The following SNED1 variants were observed in gnomAD, a reference collection of about 807,000 sequenced individuals.
SNED1 encodes the protein sushi, nidogen and EGF like domains 1, also known as sushi, nidogen and EGF-like domain-containing protein 1.
In SNED1, 81 loss-of-function variants were observed where a neutral mutation model predicts 166.7. The ratio of observed to expected loss-of-function variants is 0.49; its 90% CI spans 0.41 to 0.58. The LOEUF (loss-of-function observed/expected upper bound fraction) is 0.58. Ranked by LOEUF, SNED1 falls within the 20% of genes least tolerant of loss-of-function variation. The pLI, the probability that SNED1 is intolerant of heterozygous loss-of-function variation, is 0.00. For missense variants in SNED1, 1,604 were observed against 2,000.2 expected (o/e 0.80, Z 3.78); for synonymous variants, 762 against 822.0 (o/e 0.93, Z 1.25).
At chr2:241,037,623 C>T (rs1399496633) in intron 6 of SNED1, among the ~76,000 whole-genome samples, 6 of 152,206 alleles carry the variant, frequency 3.9e-5, no homozygotes, top group African/African-American at 1.4e-4. Flanking sequence ...AGGCCAGTGC[C>T]CAGGTCCCAA....
chr2:241,061,672 G>C (rs1270374239), intron 16 of SNED1, among the ~76,000 whole-genome samples: 1 of 152,080 alleles, frequency 6.6e-6, no homozygotes, highest in Non-Finnish European at 1.5e-5. Context: ...GGATCACGAA[G>C]TCAGGAGTTC....
intron 17 of SNED1, 142 bp downstream of exon 17, chr2:241,063,046 C>A (rs896190453): frequency 3.3e-6 from 2 of 606,028 alleles, no homozygotes; most frequent in East Asian, 2.8e-5. Flanking sequence ...CCAGCTCTGA[C>A]ATCCAAGACA....
At chr2:241,047,904 T>G (rs1046510533) in intron 8 of SNED1, among the ~76,000 whole-genome samples, 2 of 151,792 alleles carry the variant, frequency 1.3e-5, no homozygotes, top group African/African-American at 4.8e-5. Flanking sequence ...GGGTGGTCTC[T>G]CCGGTGCTTC....
At chr2:241,008,051 C>T (rs980331883) in intron 1 of SNED1, among the ~76,000 whole-genome samples, 4 of 152,266 alleles carry the variant, frequency 2.6e-5, no homozygotes, top group African/African-American at 9.6e-5. Context: ...TGGGTGAAGG[C>T]GGCCGTACCA....
In SNED1 at chr2:241,073,348, C is replaced by A; in HGVS notation, c.3900C>A (p.Gly1300=). 1 of 1,571,752 alleles carries A rather than the reference C, an allele frequency of 6.4e-7. No homozygotes were observed. Residue 1300 remains glycine, a synonymous_variant, in exon 27 of 32, where the codon GGC becomes GGA. Transcript: ENST00000310397. This position sits in a 1 kb window ranked among gnomAD's most constrained non-coding sequence, Gnocchi z 6.6. ...VSLALQLPEH[G]SKDIGNVPGN... ...TGGCCCTCCAGCTCCCTGAACACGG[C>A]AGCAAGGACATCGGAAGTGAGTCAG...
In SNED1 at chr2:241,070,041, C is replaced by G; in HGVS notation, c.3429C>G (p.Ser1143Arg). The G allele has an allele frequency of 1.2e-6, 2 of 1,613,048 alleles. No homozygotes were observed. The highest frequency in any genetic ancestry group is 1.7e-6 in the Non-Finnish European group (2 of 1,179,892). Residue 1143 changes from serine to arginine, a missense_variant, in exon 24 of 32, where the codon AGC (serine) becomes AGG (arginine). By Grantham distance (110) the Ser-to-Arg change is moderately radical. Coordinates refer to ENST00000310397, the MANE Select transcript of SNED1 (RefSeq NM_001080437.3). ...LEAYVINVTTSQSTKSRYVPN... is the reference protein window; with the variant it reads ...LEAYVINVTTRQSTKSRYVPN... ...CTTATGTCATCAATGTGACCACCAG[C>G]CAGAGCACCAAGAGCCGCTATGTCC...
chr2:241,087,811 C>CT, intron 30 of SNED1: 1 of 738,896 alleles, frequency 1.4e-6, no homozygotes. Flanking sequence ...GCGCGTCGCT[C>CT]TTTACTTTTT....
chr2:240,999,890 C>A lies in SNED1; in HGVS notation c.213+840C>A, dbSNP rs2060026341. On this transcript the variant is annotated intron_variant, in intron 1 of 31. Transcript: ENST00000310397. The surrounding 1 kb of genome is among the most constrained non-coding windows in gnomAD (Gnocchi z 5.8). ...GGTACCTGGTGGTTCCCTGAAACACCCCAGATCATATCTAGAAAACTGCTG... is the reference window on the plus strand; with the variant it reads ...GGTACCTGGTGGTTCCCTGAAACACACCAGATCATATCTAGAAAACTGCTG... Among the ~76,000 whole-genome samples, 1 of 152,096 alleles carries A rather than the reference C, an allele frequency of 6.6e-6. No homozygotes were observed. The highest frequency in any genetic ancestry group is 1.5e-5 in the Non-Finnish European group (1 of 68,000).
chr2:241,012,897 G>A (rs2060459979), intron 1 of SNED1, among the ~76,000 whole-genome samples: 2 of 148,714 alleles, frequency 1.3e-5, no homozygotes, highest in Admixed American at 6.7e-5. Context: ...GTGCAGTGAC[G>A]TGATCTCAGC....
At chr2:241,029,825 C>T (rs929765590) in intron 1 of SNED1, among the ~76,000 whole-genome samples, 3 of 152,244 alleles carry the variant, frequency 2.0e-5, no homozygotes, top group Admixed American at 6.5e-5. Context: ...TGGGGGCACC[C>T]CTCCCCGAAG....
chr2:241,077,643 A>G (rs1393876678), intron 27 of SNED1, among the ~76,000 whole-genome samples: 3 of 152,192 alleles, frequency 2.0e-5, no homozygotes, highest in East Asian at 1.9e-4. Context: ...AAGAGCTCTG[A>G]CAACTAAACA....
Position 241,094,151 on chromosome 2 carries a change from A to G in SNED1, c.*2515A>G. On this transcript the variant is annotated 3_prime_UTR_variant, in exon 32 of 32. Transcript: ENST00000310397. This position sits in a 1 kb window ranked among gnomAD's most constrained non-coding sequence, Gnocchi z 4.3. ...TGCCTATGGCCAAGCAAGGCAATAA[A>G]GACAAACTCTCCCTTTTCCCCATTG... The G allele has an allele frequency of 2.7e-6, 1 of 368,526 alleles. No homozygotes were observed. Among genetic ancestry groups the G allele is most frequent in the Non-Finnish European group, 5.6e-6 (1 of 179,056 alleles). The allele number at this position is 368,526 out of a possible 1,614,324, so 22.8% of individuals were successfully genotyped here.
intron 29 of SNED1, among the ~76,000 whole-genome samples, chr2:241,083,919 T>C (rs2063451390): frequency 6.6e-6 from 1 of 152,162 alleles, no homozygotes; most frequent in South Asian, 2.1e-4. Flanking sequence ...GTTTTCTATT[T>C]TTCCCACCTG....
Position 241,073,607 on chromosome 2 carries a change from T to C in SNED1, c.3916+243T>C, listed in dbSNP as rs2062857633. On this transcript the variant is annotated intron_variant, in intron 27 of 31. Coordinates refer to ENST00000310397, the MANE Select transcript of SNED1 (RefSeq NM_001080437.3). This position sits in a 1 kb window ranked among gnomAD's most constrained non-coding sequence, Gnocchi z 6.6. Reference sequence around the variant, plus strand: ...GGACCCACCCAAACCACCCAGAGTCTGAGCTAGAGAGACTGGCTTTGATGC... The same window carrying C: ...GGACCCACCCAAACCACCCAGAGTCCGAGCTAGAGAGACTGGCTTTGATGC... 2 of 548,326 alleles carry C rather than the reference T, an allele frequency of 3.6e-6. No homozygotes were observed. The highest frequency in any genetic ancestry group is 3.3e-6 in the Non-Finnish European group (1 of 306,878). 34.0% of individuals were successfully genotyped at this position (548,326 alleles called of 1,614,324 possible).
chr2:241,049,661 C>A (rs991405307), intron 11 of SNED1, among the ~76,000 whole-genome samples, 156 bp from the exon 12 acceptor site: 1 of 152,208 alleles, frequency 6.6e-6, no homozygotes, highest in African/African-American at 2.4e-5. Flanking sequence ...AGAGCCCACT[C>A]TGAGGAATCA....
At chr2:241,065,633 C>T in intron 21 of SNED1, 38 bp downstream of exon 21, 5 of 1,590,902 alleles carry the variant, frequency 3.1e-6, no homozygotes, top group Non-Finnish European at 4.3e-6. Flanking sequence ...TGCCCAGCCC[C>T]TGCCCCTCGA....
chr2:241,084,984 G>GTCATTCTT (rs2063510403), intron 29 of SNED1, among the ~76,000 whole-genome samples: 1 of 152,058 alleles, frequency 6.6e-6, no homozygotes. Flanking sequence ...CAGACAAGAA[G>GTCATTCTT]ACTGCAGTCA....
In SNED1 at chr2:241,040,128, G is replaced by C; in HGVS notation, c.1099G>C (p.Glu367Gln). Residue 367 changes from glutamate (E) to glutamine (Q), a missense_variant, in exon 7 of 32, where the codon GAG becomes CAG. Around this residue, in one of 2 missense-constraint regions of SNED1, gnomAD observed 1,237 missense variants for 1,620.8 expected, o/e 0.76. Coordinates refer to ENST00000310397, the MANE Select transcript of SNED1 (RefSeq NM_001080437.3). ...ECQHGGQCQVENGSAVCVCQA... is the reference protein window; with the variant it reads ...ECQHGGQCQVQNGSAVCVCQA... ...TCAACATGGTGGCCAGTGCCAGGTG[G>C]AGAATGGCTCTGCGGTGTGTGTGTG... 1 of 1,603,484 alleles carries C rather than the reference G, an allele frequency of 6.2e-7. No homozygotes were observed. The highest frequency in any genetic ancestry group is 8.5e-7 in the Non-Finnish European group (1 of 1,175,140).
intron 8 of SNED1, among the ~76,000 whole-genome samples, chr2:241,047,094 G>A (rs1336131470): frequency 1.4e-5 from 2 of 146,308 alleles, no homozygotes; most frequent in African/African-American, 2.6e-5. Context: ...GCAGTGAGCC[G>A]AGATCGCGCC....
Sources: gnomAD v4.1 joint callset for allele counts (sites outside exome capture counted in the v4.1 genomes callset) on GRCh38, gnomAD v4.1.1 for gene constraint, gnomAD v4.1.1 regional missense constraint, Gnocchi (gnomAD v3.1) non-coding constraint, MANE v1.5 for transcripts, NCBI Gene and HGNC (gene_info 2026-07-23, HGNC 2026-07-21) for gene names.